The following FBXL13 variants were observed in gnomAD, a reference collection of about 807,000 sequenced individuals.
The protein encoded by FBXL13 is F-box and leucine rich repeat protein 13.
In FBXL13, 67 loss-of-function variants were observed where a neutral mutation model predicts 83.6. The ratio of observed to expected loss-of-function variants is 0.80; its 90% confidence interval spans 0.66 to 0.98. The LOEUF (loss-of-function observed/expected upper bound fraction) is 0.98. FBXL13 is among the 50% of genes least tolerant of loss of function. The pLI is 0.00. For synonymous variants in FBXL13, 272 were observed against 299.5 expected, an observed-to-expected ratio of 0.91 and a Z score of 0.95; for missense variants, 822 against 866.5, an observed-to-expected ratio of 0.95 and a Z score of 0.64.
At chr7:103,023,699 A>G (rs182360870) in intron 6 of FBXL13, among the ~76,000 whole-genome samples, 12 of 152,366 alleles carry the variant, frequency 7.9e-5, no homozygotes, top group Admixed American at 6.5e-4. Context: ...ACTATTCACA[A>G]TAGCAAAGAT....
intron 6 of FBXL13, among the ~76,000 whole-genome samples, chr7:102,981,841 C>T (rs538275221): frequency 2.0e-5 from 3 of 152,296 alleles, no homozygotes; most frequent in Admixed American, 6.5e-5. Flanking sequence ...TTAGGTTCAA[C>T]GTCTGAGTTT....
At chr7:102,972,289 G>C (rs1826785607) in intron 6 of FBXL13, among the ~76,000 whole-genome samples, 1 of 152,150 alleles carries the variant, frequency 6.6e-6, no homozygotes. Context: ...ACACCAGAGA[G>C]AGTAATCAAG....
rs1301739462 is a variant in FBXL13 at position 103,014,919 on chromosome 7, C to G, written c.495+10144G>C. 1.3e-4 allele frequency among the ~76,000 whole-genome samples: 11 copies of G among 83,984 alleles called. No homozygotes were observed. In the East Asian group the frequency reaches 4.1e-3, roughly 31 times the overall value. 55.1% of individuals were successfully genotyped at this position (83,984 alleles called of 152,430 possible). ...AGCCTGGGCGACAGGGAGACTCCGT[C>G]TCAAAAAAAAAAAAAAAAAAAAAAA... On this transcript the variant is annotated intron_variant, in intron 6 of 19. Transcript: ENST00000313221.
At chr7:102,836,575 CAG>C (rs1252842466) in intron 17 of FBXL13, among the ~76,000 whole-genome samples, 1 of 152,188 alleles carries the variant, frequency 6.6e-6, no homozygotes, top group Admixed American at 6.5e-5. Context: ...ACAGTAAAGA[CAG>C]AGATAAAAAT....
At chr7:102,905,778 T>A (rs1039093164) in intron 11 of FBXL13, among the ~76,000 whole-genome samples, 1 of 152,178 alleles carries the variant, frequency 6.6e-6, no homozygotes, top group African/African-American at 2.4e-5. Flanking sequence ...TTTTTGTGTA[T>A]CTACTGTATG....
chr7:102,871,549 C>T (rs944744969), intron 16 of FBXL13, among the ~76,000 whole-genome samples: 1 of 151,864 alleles, frequency 6.6e-6, no homozygotes, highest in African/African-American at 2.4e-5. Context: ...CCATGCCTGG[C>T]TAAATTTTTT....
At chr7:102,865,825 T>C (rs914185122) in intron 16 of FBXL13, among the ~76,000 whole-genome samples, 12 of 151,980 alleles carry the variant, frequency 7.9e-5, no homozygotes, top group African/African-American at 2.9e-4. Flanking sequence ...ATTACAGGGG[T>C]GTGCCACTGT....
At chr7:103,043,157 A>T (rs4729865) in intron 2 of FBXL13, among the ~76,000 whole-genome samples, 1 of 152,000 alleles carries the variant, frequency 6.6e-6, no homozygotes, top group Non-Finnish European at 1.5e-5. Flanking sequence ...AAAAGTGGGC[A>T]AAGGATATGA....
chr7:102,837,907 G>A (rs917104549), intron 17 of FBXL13, among the ~76,000 whole-genome samples: 9 of 152,194 alleles, frequency 5.9e-5, no homozygotes, highest in Admixed American at 2.0e-4. Flanking sequence ...TGCATTGACT[G>A]TAACTTCTTG....
chr7:102,990,442 T>C (rs927548914), intron 6 of FBXL13, among the ~76,000 whole-genome samples: 1 of 152,176 alleles, frequency 6.6e-6, no homozygotes, highest in African/African-American at 2.4e-5. Context: ...AAGTTTGTAA[T>C]AGTGGAGCTG....
At chr7:103,022,334 G>T (rs1357605949) in intron 6 of FBXL13, among the ~76,000 whole-genome samples, 2 of 150,080 alleles carry the variant, frequency 1.3e-5, no homozygotes, top group Non-Finnish European at 3.0e-5. Context: ...CTGTAGTGGG[G>T]TGGGGGGAGG....
At chr7:102,855,016 G>GT (rs1225195965) in intron 16 of FBXL13, among the ~76,000 whole-genome samples, 156 bp from the exon 18 acceptor site, 1 of 151,930 alleles carries the variant, frequency 6.6e-6, no homozygotes, top group Non-Finnish European at 1.5e-5. Flanking sequence ...TTAACAAATC[G>GT]TAAGACCACT....
At chr7:103,063,930 C>A (rs572760496) in intron 1 of FBXL13, among the ~76,000 whole-genome samples, 79 of 152,256 alleles carry the variant, frequency 5.2e-4, no homozygotes, top group African/African-American at 1.9e-3. Context: ...ACAAACTCAA[C>A]TTAATACGTA....
chr7:103,056,095 TATA>T (rs1371725262), intron 1 of FBXL13, among the ~76,000 whole-genome samples: 1 of 152,196 alleles, frequency 6.6e-6, no homozygotes, highest in East Asian at 1.9e-4. Flanking sequence ...AGTGAGAACG[TATA>T]ATGTTTGGTT....
At chr7:102,841,267 T>G (rs1475268306) in intron 17 of FBXL13, among the ~76,000 whole-genome samples, 1 of 152,186 alleles carries the variant, frequency 6.6e-6, no homozygotes, top group Non-Finnish European at 1.5e-5. Context: ...TTTTTTAACT[T>G]TTGGCAAGTT....
chr7:103,035,822 A>G (rs1460162635), intron 2 of FBXL13, among the ~76,000 whole-genome samples: 1 of 152,202 alleles, frequency 6.6e-6, no homozygotes, highest in African/African-American at 2.4e-5. Flanking sequence ...AAGATTATAT[A>G]TGAAATTGTC....
chr7:102,941,000 C>A (rs1408839269), intron 8 of FBXL13, among the ~76,000 whole-genome samples: 1 of 152,016 alleles, frequency 6.6e-6, no homozygotes, highest in African/African-American at 2.4e-5. Flanking sequence ...AATTTTAACA[C>A]AATAAAAGTG....
chr7:102,900,176 A>C (rs1812788750), intron 11 of FBXL13, among the ~76,000 whole-genome samples: 1 of 152,184 alleles, frequency 6.6e-6, no homozygotes, highest in Non-Finnish European at 1.5e-5. Context: ...ATATAGTTAA[A>C]CTTCTTTCAT....
At chr7:102,947,764 C>T (rs1016067017) in intron 8 of FBXL13, among the ~76,000 whole-genome samples, 5 of 150,986 alleles carry the variant, frequency 3.3e-5, no homozygotes, top group Admixed American at 2.0e-4. Context: ...GTATATATCA[C>T]TTGGATATTT....
Sources: allele counts gnomAD v4.1 joint callset (sites outside exome capture counted in the v4.1 genomes callset), GRCh38; gene constraint gnomAD v4.1.1; transcripts MANE v1.5; gene names NCBI Gene and HGNC (gene_info 2026-07-23, HGNC 2026-07-21).